The following RARB variants were observed in gnomAD, a reference collection of about 807,000 sequenced individuals.
RARB encodes the protein retinoic acid receptor beta, also known as HBV-activated protein.
Under a neutral mutation model 51.9 loss-of-function variants are expected in RARB, and 17 were observed. That is an observed-to-expected ratio of 0.33 (90% CI 0.22 to 0.49). RARB has a LOEUF of 0.49. Among genes scored for constraint, RARB ranks in the 20% least tolerant of loss-of-function variants. The pLI is 0.99. For missense variants in RARB, 369 were observed against 550.8 expected (o/e 0.67, Z 3.30); for synonymous variants, 215 against 195.4 (o/e 1.10, Z -0.84).
chr3:24,869,141 T>C (rs995370969), intron 2 of RARB, among the ~76,000 whole-genome samples: 3 of 152,178 alleles, frequency 2.0e-5, no homozygotes, highest in South Asian at 2.1e-4. Context: ...TAGTCTCTTA[T>C]TCATTTATGT....
chr3:24,917,720 T>C (rs759108195), intron 2 of RARB, among the ~76,000 whole-genome samples: 1 of 152,110 alleles, frequency 6.6e-6, no homozygotes, highest in Non-Finnish European at 1.5e-5. Flanking sequence ...AGAGACGGGG[T>C]TTTACCATGT....
intron 3 of RARB, among the ~76,000 whole-genome samples, chr3:25,569,075 A>G (rs1302903981): frequency 6.6e-6 from 1 of 152,254 alleles, no homozygotes; most frequent in African/African-American, 2.4e-5. Context: ...TCCAGACACA[A>G]CGTGGAGTCA....
chr3:24,978,610 T>G (rs1696571467), intron 2 of RARB, among the ~76,000 whole-genome samples: 1 of 152,170 alleles, frequency 6.6e-6, no homozygotes, highest in African/African-American at 2.4e-5. Flanking sequence ...ATCCCCTTTA[T>G]GATTTTTTTA....
chr3:25,130,479 A>AT (rs140172804), intron 3 of RARB, among the ~76,000 whole-genome samples: 3,187 of 151,262 alleles, frequency 0.021, 89 homozygotes, highest in African/African-American at 0.064. Context: ...GCATGTTGTC[A>AT]TTTTTTTTTA....
At chr3:24,963,715 C>T (rs886412035) in intron 2 of RARB, among the ~76,000 whole-genome samples, 3 of 151,644 alleles carry the variant, frequency 2.0e-5, no homozygotes, top group Non-Finnish European at 4.4e-5. Context: ...GCATCTCTGC[C>T]GGAGTATATA....
intron 5 of RARB, among the ~76,000 whole-genome samples, chr3:25,326,218 T>C (rs980980998): frequency 1.3e-5 from 2 of 152,200 alleles, no homozygotes; most frequent in African/African-American, 2.4e-5. Context: ...GGCAGTGTGA[T>C]TGGTATCCAA....
intron 2 of RARB, among the ~76,000 whole-genome samples, chr3:25,050,142 G>C (rs1325229573): frequency 6.6e-6 from 1 of 152,150 alleles, no homozygotes; most frequent in Non-Finnish European, 1.5e-5. Flanking sequence ...CAAGTTTCTG[G>C]GCTTGGAGTT....
rs149790146 is a variant in RARB, at chr3:25,033,919, A to G, written c.-379-26206A>G. Among the ~76,000 whole-genome samples the G allele has an allele frequency of 5.1e-3, 773 of 152,304 alleles. 5 individuals carry two copies. The highest frequency in any genetic ancestry group is 0.018 in the African/African-American group (737 of 41,576). ...TCTCCCAGACCTTTTCTCCTCATGA[A>G]TAGTTGAAAGTAGATGCTTTAAATG... On this transcript the variant is annotated intron_variant, in intron 2 of 11. Transcript: ENST00000383772.
At chr3:24,951,692 A>T (rs1265774665) in intron 2 of RARB, among the ~76,000 whole-genome samples, 1 of 152,204 alleles carries the variant, frequency 6.6e-6, no homozygotes, top group Non-Finnish European at 1.5e-5. Flanking sequence ...AGAGAATAAA[A>T]ATCATTTAGT....
At chr3:25,012,852 AAAT>A (rs979504282) in intron 2 of RARB, among the ~76,000 whole-genome samples, 2 of 152,156 alleles carry the variant, frequency 1.3e-5, no homozygotes, top group African/African-American at 2.4e-5. Context: ...TGAAAGACGG[AAAT>A]AATAATAAGA....
At chr3:25,498,280 C>T (rs1697136374) in intron 2 of RARB, among the ~76,000 whole-genome samples, 1 of 152,140 alleles carries the variant, frequency 6.6e-6, no homozygotes, top group Non-Finnish European at 1.5e-5. Context: ...CTACCCGCCA[C>T]ACACTCTGGG....
At chr3:25,409,048 A>G (rs1181931494) in intron 5 of RARB, among the ~76,000 whole-genome samples, 1 of 152,058 alleles carries the variant, frequency 6.6e-6, no homozygotes, top group African/African-American at 2.4e-5. Context: ...TAATAATAAC[A>G]ACAGCAACAA....
At chr3:25,190,387 G>A (rs1701073893) in intron 5 of RARB, among the ~76,000 whole-genome samples, 1 of 151,984 alleles carries the variant, frequency 6.6e-6, no homozygotes. Flanking sequence ...ACTGATATGT[G>A]CAACTATATA....
chr3:25,485,755 A>G (rs1422944102), intron 2 of RARB, among the ~76,000 whole-genome samples: 1 of 152,152 alleles, frequency 6.6e-6, no homozygotes, highest in African/African-American at 2.4e-5. Flanking sequence ...AGCAGATGGA[A>G]AGGAAAGCAG....
At chr3:24,884,435 T>C (rs2125359118) in intron 2 of RARB, among the ~76,000 whole-genome samples, 1 of 152,334 alleles carries the variant, frequency 6.6e-6, no homozygotes, top group Non-Finnish European at 1.5e-5. Flanking sequence ...GTGGAAATAC[T>C]GAGGGCACAG....
At chr3:25,006,434 G>T (rs186063501) in intron 2 of RARB, among the ~76,000 whole-genome samples, 1 of 152,096 alleles carries the variant, frequency 6.6e-6, no homozygotes, top group Non-Finnish European at 1.5e-5. Context: ...TTCAAATAAA[G>T]AAAACTACCC....
intron 2 of RARB, among the ~76,000 whole-genome samples, chr3:25,007,612 ACC>A (rs1697303939): frequency 4.7e-5 from 7 of 148,448 alleles, no homozygotes; most frequent in Non-Finnish European, 7.5e-5. Context: ...AAACAAAAAA[ACC>A]TCATATTTTC....
intron 3 of RARB, among the ~76,000 whole-genome samples, chr3:25,094,460 T>C (rs1359398004): frequency 6.6e-6 from 1 of 152,122 alleles, no homozygotes; most frequent in Non-Finnish European, 1.5e-5. Context: ...CTCACACCTG[T>C]AATCTCAGCA....
At chr3:25,117,004 G>C (rs566381235) in intron 3 of RARB, among the ~76,000 whole-genome samples, 5 of 152,152 alleles carry the variant, frequency 3.3e-5, no homozygotes, top group African/African-American at 1.2e-4. Context: ...TTAAATTTGT[G>C]GGTCCACTAA....
Sources: gnomAD v4.1 joint callset for allele counts (sites outside exome capture counted in the v4.1 genomes callset) on GRCh38, gnomAD v4.1.1 for gene constraint, MANE v1.5 for transcripts, NCBI Gene and HGNC (gene_info 2026-07-23, HGNC 2026-07-21) for gene names.